The following CNTN5 variants were observed in gnomAD, a reference collection of about 807,000 sequenced individuals.
The protein encoded by CNTN5 is contactin-5.
Under a neutral mutation model 129.1 loss-of-function variants are expected in CNTN5, and 77 were observed. That is an observed-to-expected ratio of 0.60 (90% CI 0.50 to 0.72). The LOEUF (loss-of-function observed/expected upper bound fraction) is 0.72. Among genes scored for constraint, CNTN5 ranks in the 30% least tolerant of loss-of-function variants. The pLI, the probability that CNTN5 is intolerant of heterozygous loss-of-function variation, is 0.00. For synonymous variants in CNTN5, 509 were observed against 465.6 expected, an observed-to-expected ratio of 1.09 and a Z score of -1.20; for missense variants, 1,478 against 1,328.8, an observed-to-expected ratio of 1.11 and a Z score of -1.75.
chr11:99,630,124 G>A (rs1274987333), intron 3 of CNTN5, among the ~76,000 whole-genome samples: 3 of 151,478 alleles, frequency 2.0e-5, no homozygotes, highest in African/African-American at 4.9e-5. Flanking sequence ...AATAAATTAC[G>A]ATAAAATAAT....
chr11:99,995,063 G>C (rs1007685633), intron 8 of CNTN5, among the ~76,000 whole-genome samples: 3 of 152,202 alleles, frequency 2.0e-5, no homozygotes, highest in Non-Finnish European at 4.4e-5. Flanking sequence ...TAACCACTCA[G>C]TTCACTTGCT....
At chr11:100,020,637 A>C (rs181105438) in intron 9 of CNTN5, among the ~76,000 whole-genome samples, 1 of 152,068 alleles carries the variant, frequency 6.6e-6, no homozygotes, top group Admixed American at 6.6e-5. Context: ...CATATGAATT[A>C]TCTCTGTTTG....
rs113375562 is a variant in CNTN5 at position 100,154,186 on chromosome 11, T to C, written c.1581-36940T>C. Among the ~76,000 whole-genome samples the C allele has an allele frequency of 7.6e-3, 1,164 of 152,176 alleles. 24 individuals are homozygous for C. Among genetic ancestry groups the C allele is most frequent in the African/African-American group, 0.027 (1,119 of 41,542 alleles). ...TGTTCTCATTGTTTACTGCCGCTAA[T>C]GAGGACATGCAGTGTTTGGCTTTCT... is the stretch of plus-strand genomic sequence containing the variant. On this transcript the variant is annotated intron_variant, in intron 13 of 24. Coordinates refer to ENST00000524871, the MANE Select transcript of CNTN5 (RefSeq NM_014361.4).
chr11:99,375,302 CAAAAAAAAAAAA>C (rs397848951), intron 2 of CNTN5, among the ~76,000 whole-genome samples: 1 of 53,570 alleles, frequency 1.9e-5, no homozygotes, highest in Non-Finnish European at 3.0e-5. Context: ...GAGTCTGTCT[CAAAAAAAAAAAA>C]AAAAAAAAAA....
chr11:99,755,597 G>T (rs1190090393), intron 3 of CNTN5, among the ~76,000 whole-genome samples: 2 of 151,150 alleles, frequency 1.3e-5, no homozygotes, highest in African/African-American at 2.4e-5. Flanking sequence ...AATGTTCTTT[G>T]TACATTTTGG....
intron 3 of CNTN5, among the ~76,000 whole-genome samples, chr11:99,632,801 A>G (rs574630758): frequency 1.3e-5 from 2 of 152,234 alleles, no homozygotes; most frequent in South Asian, 2.1e-4. Context: ...TCAGATTTGA[A>G]AAGTTTTTGG....
At chr11:100,193,823 CTG>C (rs990160642) in intron 15 of CNTN5, among the ~76,000 whole-genome samples, 160 bp downstream of exon 15, 1 of 150,996 alleles carries the variant, frequency 6.6e-6, no homozygotes, top group Admixed American at 6.6e-5. Context: ...TTATGTCAAA[CTG>C]AAAGTAATAT....
intron 3 of CNTN5, among the ~76,000 whole-genome samples, chr11:99,683,845 T>A (rs550291147): frequency 2.6e-5 from 4 of 151,590 alleles, no homozygotes; most frequent in Non-Finnish European, 5.9e-5. Flanking sequence ...AAATTATATA[T>A]TTATGGTGTA....
At chr11:99,810,784 C>A (rs1358220873) in intron 3 of CNTN5, among the ~76,000 whole-genome samples, 4 of 152,098 alleles carry the variant, frequency 2.6e-5, no homozygotes, top group Non-Finnish European at 4.4e-5. Flanking sequence ...ACAGCCTTAG[C>A]AATTACTTTG....
intron 21 of CNTN5, among the ~76,000 whole-genome samples, chr11:100,327,789 C>T (rs1210000082): frequency 6.6e-6 from 1 of 151,988 alleles, no homozygotes; most frequent in Non-Finnish European, 1.5e-5. Flanking sequence ...GGTAAAATAT[C>T]AAATTTCAAT....
At chr11:99,454,940 T>C (rs966105802) in intron 2 of CNTN5, among the ~76,000 whole-genome samples, 4 of 152,086 alleles carry the variant, frequency 2.6e-5, no homozygotes, top group African/African-American at 7.2e-5. Flanking sequence ...GTAGTAAGCA[T>C]TGAGCCAACA....
chr11:99,462,360 C>CTTTTTTTTTTTTTTTTTTTTT (rs72276833), intron 2 of CNTN5, among the ~76,000 whole-genome samples: 26 of 125,278 alleles, frequency 2.1e-4, no homozygotes, highest in African/African-American at 2.9e-4. Context: ...CTTTTCTTTT[C>CTTTTTTTTTTTTTTTTTTTTT]TTTTTTTTTT....
intron 17 of CNTN5, among the ~76,000 whole-genome samples, chr11:100,258,465 A>T (rs1950125135): frequency 6.6e-6 from 1 of 152,172 alleles, no homozygotes; most frequent in Non-Finnish European, 1.5e-5. Flanking sequence ...TCAAGAAGAG[A>T]AACCCCAAGA....
intron 3 of CNTN5, among the ~76,000 whole-genome samples, chr11:99,583,732 C>T (rs1949697324): frequency 6.6e-6 from 1 of 152,160 alleles, no homozygotes; most frequent in Non-Finnish European, 1.5e-5. Context: ...TCACCCCTTT[C>T]TTTGACTAGG....
chr11:100,293,765 G>T (rs1054674614), intron 18 of CNTN5, among the ~76,000 whole-genome samples: 1 of 151,518 alleles, frequency 6.6e-6, no homozygotes, highest in African/African-American at 2.4e-5. Context: ...AACCTTTACC[G>T]TTTGTACATA....
chr11:100,079,491 C>T (rs963420856), intron 13 of CNTN5, among the ~76,000 whole-genome samples: 1 of 152,146 alleles, frequency 6.6e-6, no homozygotes, highest in African/African-American at 2.4e-5. Context: ...TCTCATCTCC[C>T]TTACCTATTT....
chr11:100,199,798 G>A (rs898303910), intron 15 of CNTN5, among the ~76,000 whole-genome samples: 2 of 151,822 alleles, frequency 1.3e-5, no homozygotes, highest in Admixed American at 6.6e-5. Context: ...AATATTTCAT[G>A]TATTGATGAT....
chr11:99,878,438 A>G (rs1948689144), intron 6 of CNTN5, among the ~76,000 whole-genome samples: 1 of 152,212 alleles, frequency 6.6e-6, no homozygotes, highest in African/African-American at 2.4e-5. Context: ...TCTGAACAAC[A>G]GTGCAAGGTA....
chr11:99,506,391 A>T (rs1042839472), intron 2 of CNTN5, among the ~76,000 whole-genome samples: 7 of 152,330 alleles, frequency 4.6e-5, no homozygotes, highest in Middle Eastern at 3.4e-3. Flanking sequence ...TGTTATGCAG[A>T]TTCTTATACA....
Sources: allele counts gnomAD v4.1 joint callset (sites outside exome capture counted in the v4.1 genomes callset), GRCh38; gene constraint gnomAD v4.1.1; transcripts MANE v1.5; gene names NCBI Gene and HGNC (gene_info 2026-07-23, HGNC 2026-07-21).